The following ADARB1 variants were observed in gnomAD, a reference collection of about 807,000 sequenced individuals.
The protein encoded by ADARB1 is double-stranded RNA-specific editase 1.
Under a neutral mutation model 52.4 loss-of-function variants are expected in ADARB1, and 10 were observed. That is an observed-to-expected ratio of 0.19 (90% CI 0.12 to 0.32). The LOEUF is 0.32. Ranked by LOEUF, ADARB1 falls within the 10% of genes least tolerant of loss-of-function variation. The pLI, the probability that ADARB1 is intolerant of heterozygous loss-of-function variation, is 1.00. For synonymous variants in ADARB1, 349 were observed against 371.1 expected, an observed-to-expected ratio of 0.94 and a Z score of 0.68; for missense variants, 643 against 922.3, an observed-to-expected ratio of 0.70 and a Z score of 3.92.
In ADARB1 at chr21:45,220,465, C is replaced by T. The variant is rs550803858; in HGVS notation, c.1748-371C>T. Among the ~76,000 whole-genome samples the T allele has an allele frequency of 4.6e-5, 7 of 152,300 alleles. No individual in the cohort carries two copies. The South Asian group carries it at 1.2e-3, about 27-fold the overall frequency. On this transcript the variant is annotated intron_variant, in intron 9 of 10. Transcript: ENST00000348831. The surrounding 1 kb of genome is among the most constrained non-coding windows in gnomAD (Gnocchi z 6.3). ...CTGCATTAGTCTCAGAAGTGGCTCC[C>T]ACCCATCCACTCTCAGGCTGCCAAG...
chr21:45,202,303 A>T (rs1256814413), intron 8 of ADARB1, among the ~76,000 whole-genome samples: 1 of 152,116 alleles, frequency 6.6e-6, no homozygotes, highest in African/African-American at 2.4e-5. Flanking sequence ...CTGCTGTGAC[A>T]GGGATGAGCA....
intron 3 of ADARB1, among the ~76,000 whole-genome samples, chr21:45,173,249 T>A (rs1255429705): frequency 6.6e-6 from 1 of 152,222 alleles, no homozygotes; most frequent in Non-Finnish European, 1.5e-5. Flanking sequence ...TGTATTTGTA[T>A]CATTTTGAAA....
At chr21:45,190,737 A>G (rs1196247115) in intron 8 of ADARB1, among the ~76,000 whole-genome samples, 1 of 152,184 alleles carries the variant, frequency 6.6e-6, no homozygotes, top group Non-Finnish European at 1.5e-5. Context: ...GTGGCTCCCA[A>G]ACTCTGGCAC....
At chr21:45,203,197 G>C (rs749202728) in intron 8 of ADARB1, among the ~76,000 whole-genome samples, 1 of 151,870 alleles carries the variant, frequency 6.6e-6, no homozygotes, top group Non-Finnish European at 1.5e-5. Context: ...AGGGGCCCCT[G>C]CCCTGCCCCT....
chr21:45,178,777 C>G (rs184510404), intron 4 of ADARB1, among the ~76,000 whole-genome samples: 2 of 151,956 alleles, frequency 1.3e-5, no homozygotes, highest in Non-Finnish European at 2.9e-5. Flanking sequence ...TATATCTGTC[C>G]CCCAAATTAA....
At chr21:45,180,542 G>A in intron 5 of ADARB1, 98 bp downstream of exon 5, 2 of 970,908 alleles carry the variant, frequency 2.1e-6, no homozygotes, top group Non-Finnish European at 3.2e-6. Context: ...ACACCGACGG[G>A]AGATGGTTAC....
At chr21:45,134,478 G>A (rs965911998) in intron 2 of ADARB1, among the ~76,000 whole-genome samples, 2 of 151,870 alleles carry the variant, frequency 1.3e-5, no homozygotes, top group Middle Eastern at 3.4e-3. Flanking sequence ...GTGAGCGCCC[G>A]GCAGGGGTAC....
Position 45,175,939 on chromosome 21 carries a change from A to C in ADARB1, c.238A>C (p.Lys80Gln). 1 of 1,610,374 alleles carries C rather than the reference A, an allele frequency of 6.2e-7. No individual in the cohort carries two copies. The highest frequency in any genetic ancestry group is 8.5e-7 in the Non-Finnish European group (1 of 1,178,274). Residue 80 changes from lysine (K) to glutamine (Q), a missense_variant, in exon 4 of 11, where the codon AAG becomes CAG. Coordinates refer to ENST00000348831, the MANE Select transcript of ADARB1 (RefSeq NM_001112.4). The stretch of plus-strand genomic sequence containing the variant: ...GAAAACACCAGGGCCCGTCCTCCCC[A>C]AGAACGCCCTGATGCAGCTGAATGA... ...RRKTPGPVLP[K>Q]NALMQLNEIK...
chr21:45,118,314 C>T (rs1384738193), intron 1 of ADARB1, among the ~76,000 whole-genome samples: 1 of 152,120 alleles, frequency 6.6e-6, no homozygotes, highest in Non-Finnish European at 1.5e-5. Flanking sequence ...CCTCCTTAAT[C>T]CACTTCCTTA....
chr21:45,157,531 G>A lies in ADARB1; in HGVS notation c.-47-14079G>A, dbSNP rs1024342784. Among the ~76,000 whole-genome samples, 16 of 152,142 alleles carry A rather than the reference G, an allele frequency of 1.1e-4. No homozygotes were observed. The highest frequency in any genetic ancestry group is 3.6e-4 in the African/African-American group (15 of 41,446). On this transcript the variant is annotated intron_variant, in intron 2 of 10. Coordinates refer to ENST00000348831, the MANE Select transcript of ADARB1 (RefSeq NM_001112.4). The surrounding 1 kb of genome is among the most constrained non-coding windows in gnomAD (Gnocchi z 4.1). ...GGGCCCTGTGAAGGTTTGTGCTCTC[G>A]TGTGCCGGCTCTGACCTGTGATTTT...
intron 1 of ADARB1, among the ~76,000 whole-genome samples, chr21:45,102,217 A>G (rs781039048): frequency 3.3e-5 from 5 of 152,186 alleles, no homozygotes; most frequent in Non-Finnish European, 7.3e-5. Context: ...ATTCTAAATC[A>G]GAATTTCTAT....
chr21:45,144,726 A>G (rs1424674456), intron 2 of ADARB1: 25 of 432,576 alleles, frequency 5.8e-5, no homozygotes, highest in Non-Finnish European at 1.1e-4. Context: ...AATGACTACA[A>G]AATGAATTAA....
Position 45,121,538 on chromosome 21 carries a change from C to T in ADARB1, c.-219-6864C>T, listed in dbSNP as rs143586570. Among the ~76,000 whole-genome samples the T allele has an allele frequency of 9.2e-5, 14 of 152,252 alleles. No individual in the cohort carries two copies. In the East Asian group the frequency reaches 1.4e-3, roughly 15 times the overall value. Reference sequence around the variant, plus strand: ...ATGCTTATTTGTATTTATTCTGCTGCGGGTTAGTTGGCCGAATCTGTTTCT... The same window carrying T: ...ATGCTTATTTGTATTTATTCTGCTGTGGGTTAGTTGGCCGAATCTGTTTCT... On this transcript the variant is annotated intron_variant, in intron 1 of 10. Coordinates refer to ENST00000348831, the MANE Select transcript of ADARB1 (RefSeq NM_001112.4).
chr21:45,162,560 T>TGATA (rs1569097103), intron 2 of ADARB1, among the ~76,000 whole-genome samples: 1 of 151,980 alleles, frequency 6.6e-6, no homozygotes, highest in Admixed American at 6.6e-5. Flanking sequence ...GCCAGAAAAA[T>TGATA]GATACCCTGA....
chr21:45,196,488 A>G (rs1390857701), intron 8 of ADARB1, among the ~76,000 whole-genome samples: 3 of 152,226 alleles, frequency 2.0e-5, no homozygotes, highest in Admixed American at 1.3e-4. Context: ...CATAAAAGGA[A>G]AAAAACTGTC....
Position 45,225,860 on chromosome 21 carries a change from G to A in ADARB1, c.*3663G>A, listed in dbSNP as rs1392211543. On this transcript the variant is annotated 3_prime_UTR_variant, in exon 11 of 11. Transcript: ENST00000348831. Reference sequence around the variant, plus strand: ...GTGTTCCGTGTGTGTCCAGTTTACAGCGTCTCTGCCCCCTAGCGTGTTTTG... The same window carrying A: ...GTGTTCCGTGTGTGTCCAGTTTACAACGTCTCTGCCCCCTAGCGTGTTTTG... The A allele has an allele frequency of 6.2e-6, 2 of 322,684 alleles. No individual in the cohort carries two copies. The highest frequency in any genetic ancestry group is 3.1e-4 in the South Asian group (2 of 6,370). The allele number at this position is 322,684 out of a possible 1,614,324, so 20.0% of individuals were successfully genotyped here. A position where few individuals can be genotyped will look rare whatever the true frequency, so the allele number is the denominator to read the frequency against.
chr21:45,102,768 C>T (rs775890041), intron 1 of ADARB1, among the ~76,000 whole-genome samples: 6 of 152,230 alleles, frequency 3.9e-5, no homozygotes, highest in African/African-American at 1.4e-4. Flanking sequence ...AGACAAAGCT[C>T]CTTTTCCAGC....
chr21:45,105,542 T>C lies in ADARB1; in HGVS notation c.-219-22860T>C, dbSNP rs992389144. On this transcript the variant is annotated intron_variant, in intron 1 of 10. Coordinates refer to ENST00000348831, the MANE Select transcript of ADARB1 (RefSeq NM_001112.4). ...CTGCTCCTGACTGGTCCTCATCTGT[T>C]CCTTCTCAGATCACAGTTAACTGAA... Among the ~76,000 whole-genome samples, 55 of 152,354 alleles carry C rather than the reference T, an allele frequency of 3.6e-4. 2 individuals are homozygous for C. Among genetic ancestry groups the C allele is most frequent in the South Asian group, 1.0e-3 (5 of 4,824 alleles).
chr21:45,076,376 A>T (rs545002179), intron 1 of ADARB1, among the ~76,000 whole-genome samples: 2 of 152,286 alleles, frequency 1.3e-5, no homozygotes, highest in South Asian at 4.1e-4. Flanking sequence ...TGTGGTGGAG[A>T]GGATGAACTC....
Sources: allele counts gnomAD v4.1 joint callset (sites outside exome capture counted in the v4.1 genomes callset), GRCh38; gene constraint gnomAD v4.1.1; non-coding constraint Gnocchi (gnomAD v3.1); transcripts MANE v1.5; gene names NCBI Gene and HGNC (gene_info 2026-07-23, HGNC 2026-07-21).